The following FGFR3 variants were observed in gnomAD, a reference collection of about 807,000 sequenced individuals.
The protein encoded by FGFR3 is FGFR-3.
A neutral mutation model predicts 82.9 loss-of-function variants in FGFR3; 25 were observed. That is an observed-to-expected ratio of 0.30 (90% CI 0.22 to 0.42). The LOEUF is 0.42. FGFR3 is among the 10% of genes least tolerant of loss of function. The pLI is 1.00. For missense variants in FGFR3, 1,026 were observed against 1,161.0 expected, an observed-to-expected ratio of 0.88 and a Z score of 1.69; for synonymous variants, 620 against 516.0, an observed-to-expected ratio of 1.20 and a Z score of -2.73.
chr4:1,805,298 G>C, intron 10 of FGFR3, 57 bp from the exon 11 acceptor site: 1 of 1,602,372 alleles, frequency 6.2e-7, no homozygotes, highest in Non-Finnish European at 8.5e-7. Context: ...TGGGGACCGT[G>C]GTGGGCTGAG....
Position 1,801,481 on chromosome 4 carries a change from C to T in FGFR3, c.560C>T (p.Ser187Phe). ...GCTGGCAACCCCACTCCCTCCATCT[C>T]CTGGCTGAAGAACGGCAGGGAGTTC... is the stretch of plus-strand genomic sequence containing the variant. ...PAAGNPTPSI[S>F]WLKNGREFRG... Residue 187 changes from serine (S) to phenylalanine (F), a missense_variant, in exon 5 of 18, where the codon TCC (serine) becomes TTC (phenylalanine). Ser to Phe is a radical substitution (Grantham distance 155). Transcript: ENST00000440486. 5 of 1,557,264 alleles carry T rather than the reference C, an allele frequency of 3.2e-6. No individual in the cohort carries two copies. The highest frequency in any genetic ancestry group is 2.4e-5 in the East Asian group (1 of 41,594).
intron 4 of FGFR3, among the ~76,000 whole-genome samples, chr4:1,800,034 T>G (rs1488839371): frequency 1.3e-5 from 2 of 151,978 alleles, no homozygotes; most frequent in Non-Finnish European, 2.9e-5. Context: ...GACACCGTGT[T>G]GCTGATGGGG....
rs2108800421 is a variant in FGFR3, at chr4:1,804,955, G to A, written c.1398G>A (p.Glu466=). The change falls in exon 10 of 18, where the codon GAG becomes GAA. Residue 466 remains glutamate (E), a synonymous_variant. Transcript: ENST00000440486. ...AGCTGCCTGCCGACCCCAAATGGGA[G>A]CTGTCTCGGGCCCGGTCAGTGGTGC... ...ELELPADPKW[E]LSRARLTLGK... 1.3e-6 allele frequency: 2 copies of A among 1,550,310 alleles called. No homozygotes were observed. The highest frequency in any genetic ancestry group is 1.7e-6 in the Non-Finnish European group (2 of 1,146,908).
chr4:1,794,424 C>A (rs1213380187), intron 2 of FGFR3, among the ~76,000 whole-genome samples: 1 of 152,326 alleles, frequency 6.6e-6, no homozygotes. Flanking sequence ...GCGTCCCCCT[C>A]CCCCGGGCCC....
intron 2 of FGFR3, among the ~76,000 whole-genome samples, chr4:1,794,658 G>A (rs988044340): frequency 2.6e-5 from 4 of 152,188 alleles, no homozygotes; most frequent in African/African-American, 9.7e-5. Context: ...CCTAGACTGG[G>A]CTGGCGGTCC....
At position 1,807,589 on chromosome 4, in the gene FGFR3, C is replaced by G; in HGVS notation, c.*327C>G. On this transcript the variant is annotated 3_prime_UTR_variant, in exon 18 of 18. Transcript: ENST00000440486. Reference sequence around the variant, plus strand: ...AAGTGGGCCCACCCGGTGGGACCCCCGTGGGGCAGGGAGCTGGGCCCGACA... The same window carrying G: ...AAGTGGGCCCACCCGGTGGGACCCCGGTGGGGCAGGGAGCTGGGCCCGACA... The G allele has an allele frequency of 1.5e-6, 1 of 681,258 alleles. No individual in the cohort carries two copies. Among genetic ancestry groups the G allele is most frequent in the Middle Eastern group, 2.5e-4 (1 of 3,962 alleles). The allele number at this position is 681,258 out of a possible 1,614,324, so 42.2% of individuals were successfully genotyped here.
At position 1,807,227 on chromosome 4, in the gene FGFR3, C is replaced by T. The variant is rs746909556; in HGVS notation, c.2386C>T (p.Pro796Ser). The change falls in exon 18 of 18, where the codon CCG becomes TCG. Residue 796 changes from proline (P) to serine (S), a missense_variant. Around this residue, in one of 9 missense-constraint regions of FGFR3, gnomAD observed 155 missense variants for 150.2 expected, o/e 1.03. Transcript: ENST00000440486. ...DSVFAHDLLP[P>S]APPSSGGSRT Reference sequence around the variant, plus strand: ...CGTGTTTGCCCACGACCTGCTGCCCCCGGCCCCACCCAGCAGTGGGGGCTC... The same window carrying T: ...CGTGTTTGCCCACGACCTGCTGCCCTCGGCCCCACCCAGCAGTGGGGGCTC... The T allele has an allele frequency of 6.2e-7, 1 of 1,608,116 alleles. No individual in the cohort carries two copies.
Position 1,808,231 on chromosome 4 carries a change from G to A in FGFR3, c.*969G>A, listed in dbSNP as rs1577299939. On this transcript the variant is annotated 3_prime_UTR_variant, in exon 18 of 18. Transcript: ENST00000440486. ...GACAACCGAGAAGGTTTATCCCGCC[G>A]ATAGAGGGACGGCCAAGAATGTACG... 4.3e-6 allele frequency: 1 copy of A among 232,658 alleles called. No individual in the cohort carries two copies. The highest frequency in any genetic ancestry group is 5.6e-5 in the Admixed American group (1 of 17,744). 14.4% of individuals were successfully genotyped at this position (232,658 alleles called of 1,614,324 possible).
At chr4:1,799,198 G>A in intron 2 of FGFR3, 56 bp from the exon 3 acceptor site, 3 of 1,610,424 alleles carry the variant, frequency 1.9e-6, no homozygotes, top group Non-Finnish European at 2.5e-6. Flanking sequence ...TGCTGTGTCT[G>A]TAAACGGTGC....
intron 13 of FGFR3, 27 bp downstream of exon 13, chr4:1,805,967 A>T (rs1721857713): frequency 6.2e-7 from 1 of 1,608,640 alleles, no homozygotes; most frequent in Non-Finnish European, 8.5e-7. Flanking sequence ...GTGTGGGTGG[A>T]GTAGGCTGGG....
chr4:1,795,980 C>T (rs1252117818), intron 2 of FGFR3, among the ~76,000 whole-genome samples: 1 of 152,224 alleles, frequency 6.6e-6, no homozygotes, highest in African/African-American at 2.4e-5. Flanking sequence ...GCTCCCCAGC[C>T]CTCAGGTCTC....
In FGFR3 at chr4:1,803,954, G is replaced by A. The variant is rs1721532591; in HGVS notation, c.1075+118G>A. ...GACTTACGGCCGTCCCGCTTCTTGA[G>A]CCCTCACTCCTGGCCCTGTGCCCAG... On this transcript the variant is annotated intron_variant, in intron 8 of 17. Transcript: ENST00000440486. 4.2e-6 allele frequency: 5 copies of A among 1,190,256 alleles called. No homozygotes were observed. In the Admixed American group the frequency reaches 6.8e-5, roughly 16 times the overall value. 73.7% of individuals were successfully genotyped at this position (1,190,256 alleles called of 1,614,324 possible).
At chr4:1,803,148 A>G (rs1721411874) in intron 7 of FGFR3, 11 of 1,376,988 alleles carry the variant, frequency 8.0e-6, no homozygotes, top group South Asian at 1.7e-5. Flanking sequence ...CCGCACGCCC[A>G]GCCCTGCTCG....
rs989458841 is a variant in FGFR3, at chr4:1,805,370, G to A, written c.1428G>A (p.Lys476=). The change falls in exon 11 of 18, where the codon AAG becomes AAA. Residue 476 remains lysine (K), a synonymous_variant. Transcript: ENST00000440486. The part of the protein sequence containing the change: ...ELSRARLTLG[K]PLGEGCFGQV... ...CCACTGCCAGGCTGACCCTGGGCAA[G>A]CCCCTTGGGGAGGGCTGCTTCGGCC... 1.2e-6 allele frequency: 2 copies of A among 1,612,194 alleles called. No individual in the cohort carries two copies. The highest frequency in any genetic ancestry group is 1.7e-6 in the Non-Finnish European group (2 of 1,179,846).
rs1446500084 is a variant in FGFR3, at chr4:1,808,563, A to T, written c.*1301A>T. The stretch of plus-strand genomic sequence containing the variant: ...ATATATCTATATATATAATTTATTG[A>T]GTTTTTACAAGATGTATTTGTTGTA... On this transcript the variant is annotated 3_prime_UTR_variant, in exon 18 of 18. Transcript: ENST00000440486. The T allele has an allele frequency of 4.3e-6, 1 of 230,198 alleles. No individual in the cohort carries two copies. The highest frequency in any genetic ancestry group is 2.2e-5 in the African/African-American group (1 of 45,056). The allele number at this position is 230,198 out of a possible 1,614,324, so 14.3% of individuals were successfully genotyped here. A position where few individuals can be genotyped will look rare whatever the true frequency, so the allele number is the denominator to read the frequency against.
intron 15 of FGFR3, 108 bp downstream of exon 15, chr4:1,806,435 T>C: frequency 6.2e-7 from 1 of 1,604,654 alleles, no homozygotes; most frequent in Non-Finnish European, 8.5e-7. Flanking sequence ...CTGGGTGTGG[T>C]TTCTACCCCT....
chr4:1,806,004 G>A (rs769076509), intron 13 of FGFR3, 47 bp from the exon 14 acceptor site: 38 of 1,611,768 alleles, frequency 2.4e-5, no homozygotes, highest in Middle Eastern at 1.6e-4. Context: ...TGGGAGCAGC[G>A]GGGAGAGGTG....
At chr4:1,806,208 A>C (rs774499388) in intron 14 of FGFR3, 35 bp downstream of exon 14, 1 of 1,612,726 alleles carries the variant, frequency 6.2e-7, no homozygotes, top group Non-Finnish European at 8.5e-7. Context: ...GGTGGGGGTC[A>C]TGCCAGTAGG....
At position 1,804,855 on chromosome 4, in the gene FGFR3, C is replaced by T; in HGVS notation, c.1298C>T (p.Ser433Phe). 2 of 1,550,074 alleles carry T rather than the reference C, an allele frequency of 1.3e-6. No homozygotes were observed. Among genetic ancestry groups the T allele is most frequent in the Non-Finnish European group, 1.7e-6 (2 of 1,146,944 alleles). Residue 433 changes from serine (S) to phenylalanine (F), a missense_variant, in exon 10 of 18, where the codon TCC (serine) becomes TTC (phenylalanine). Ser to Phe is a radical substitution (Grantham distance 155, BLOSUM62 -2). Coordinates refer to ENST00000440486, the MANE Select transcript of FGFR3 (RefSeq NM_000142.5). ...VSLESNASMS[S>F]NTPLVRIARL... The stretch of plus-strand genomic sequence containing the variant: ...CTGGAGTCCAACGCGTCCATGAGCT[C>T]CAACACACCACTGGTGCGCATCGCA...
Sources: gnomAD v4.1 joint callset for allele counts (sites outside exome capture counted in the v4.1 genomes callset) on GRCh38, gnomAD v4.1.1 for gene constraint, gnomAD v4.1.1 regional missense constraint, MANE v1.5 for transcripts, NCBI Gene and HGNC (gene_info 2026-07-23, HGNC 2026-07-21) for gene names.